CELF2: variants seen among roughly 807,000 people sequenced by gnomAD.
CELF2 encodes the protein CUG triplet repeat RNA-binding protein 2.
A neutral mutation model predicts 62.6 loss-of-function variants in CELF2; 8 were observed. The ratio of observed to expected loss-of-function variants is 0.13; its 90% CI spans 0.07 to 0.23. The LOEUF (loss-of-function observed/expected upper bound fraction) is 0.23. Ranked by LOEUF, CELF2 falls within the 10% of genes least tolerant of loss-of-function variation. CELF2 has a pLI of 1.00. For missense variants in CELF2, 333 were observed against 671.0 expected (o/e 0.50, Z 5.56); for synonymous variants, 258 against 250.0 (o/e 1.03, Z -0.30).
At chr10:10,588,555 G>C in the CELF2 span, among the ~76,000 whole-genome samples, 1 of 152,178 alleles carries the variant, frequency 6.6e-6, no homozygotes, top group East Asian at 1.9e-4. Context: ...GAGCAGCCAT[G>C]CTCAATATGG....
At chr10:10,731,821 A>G in the CELF2 span, among the ~76,000 whole-genome samples, 2 of 152,202 alleles carry the variant, frequency 1.3e-5, no homozygotes, top group African/African-American at 4.8e-5. Flanking sequence ...GAGAGGGTCC[A>G]TAGCAAACAG....
chr10:11,232,827 G>A (rs577804076), intron 3 of CELF2, among the ~76,000 whole-genome samples: 13 of 152,278 alleles, frequency 8.5e-5, no homozygotes, highest in South Asian at 4.1e-4. Flanking sequence ...CATATGTGGC[G>A]GGACTGTCAT....
intron 3 of CELF2, among the ~76,000 whole-genome samples, chr10:11,233,837 G>A (rs1376208542): frequency 2.0e-5 from 3 of 152,212 alleles, no homozygotes; most frequent in Non-Finnish European, 2.9e-5. Flanking sequence ...GCAAGGGTGA[G>A]GGGATTTGGG....
Position 11,302,508 on chromosome 10 carries a change from G to C in CELF2, c.977-11631G>C, listed in dbSNP as rs973400540. ...TGGCTGCAGTGCCCCCAAAGGACAG[G>C]ATTGGGCCCGCCTCCCCCAGACAAG... On this transcript the variant is annotated intron_variant, in intron 9 of 12. Transcript: ENST00000633077. This position sits in a 1 kb window ranked among gnomAD's most constrained non-coding sequence, Gnocchi z 5.0. Among the ~76,000 whole-genome samples the C allele has an allele frequency of 9.9e-5, 15 of 152,110 alleles. No individual in the cohort carries two copies. Among genetic ancestry groups the C allele is most frequent in the Non-Finnish European group, 1.6e-4 (11 of 68,006 alleles).
chr10:10,890,632 G>A (rs535469254), intron 1 of CELF2, among the ~76,000 whole-genome samples: 2 of 152,300 alleles, frequency 1.3e-5, no homozygotes, highest in South Asian at 4.2e-4. Context: ...TTTGCTGAGA[G>A]GTGAAGCTGG....
At chr10:11,132,531 G>A (rs2059774378) in intron 1 of CELF2, among the ~76,000 whole-genome samples, 1 of 152,210 alleles carries the variant, frequency 6.6e-6, no homozygotes, top group Non-Finnish European at 1.5e-5. Flanking sequence ...AAATCAGCCT[G>A]ATCGTGAATA....
chr10:10,537,040 C>CA, the CELF2 span, among the ~76,000 whole-genome samples: 1 of 152,148 alleles, frequency 6.6e-6, no homozygotes, highest in Non-Finnish European at 1.5e-5. Flanking sequence ...GCTGCTGCTT[C>CA]AACAAAATGC....
chr10:10,625,833 C>CA, the CELF2 span, among the ~76,000 whole-genome samples: 1 of 152,114 alleles, frequency 6.6e-6, no homozygotes, highest in Admixed American at 6.5e-5. Context: ...GTTTGGGCCT[C>CA]TATGCACCAG....
At chr10:11,320,342 AC>A (rs2095361168) in intron 10 of CELF2, among the ~76,000 whole-genome samples, 1 of 152,080 alleles carries the variant, frequency 6.6e-6, no homozygotes, top group Admixed American at 6.5e-5. Context: ...CCATAGACAC[AC>A]CTCTGTCTCC....
rs201075 is a variant in CELF2 at position 10,957,871 on chromosome 10, A to G, written c.89+37872A>G. 0.081 allele frequency among the ~76,000 whole-genome samples: 12,379 copies of G among 152,218 alleles called. 1,701 individuals carry two copies. The highest frequency in any genetic ancestry group is 0.28 in the African/African-American group (11,683 of 41,488). On this transcript the variant is annotated intron_variant, in intron 2 of 13. Transcript: ENST00000636488. The surrounding 1 kb of genome is among the most constrained non-coding windows in gnomAD (Gnocchi z 4.1). ...TCTCACCATCCCATGGTGAGATGAT[A>G]TGAAACTAAGCACTTGAATCACTTC...
At chr10:10,575,809 T>C in the CELF2 span, among the ~76,000 whole-genome samples, 1 of 152,214 alleles carries the variant, frequency 6.6e-6, no homozygotes, top group Admixed American at 6.5e-5. Flanking sequence ...GGAAATTTAC[T>C]ATTGGTTCAT....
the CELF2 span, among the ~76,000 whole-genome samples, chr10:10,560,258 G>A: frequency 1.3e-5 from 2 of 152,128 alleles, no homozygotes; most frequent in Admixed American, 6.6e-5. Context: ...GGAAATACAG[G>A]TAAGCATAGA....
At chr10:10,468,486 A>G in the CELF2 span, among the ~76,000 whole-genome samples, 14 of 151,986 alleles carry the variant, frequency 9.2e-5, no homozygotes, top group African/African-American at 3.4e-4. Context: ...TAAAAATTCT[A>G]TTGAAAGCAC....
At chr10:11,245,500 T>C (rs17149918) in intron 3 of CELF2, among the ~76,000 whole-genome samples, 1,693 of 152,344 alleles carry the variant, frequency 0.011, 39 homozygotes, top group African/African-American at 0.038. Context: ...GAATTCACCA[T>C]GGTCTGACAA....
intron 2 of CELF2, among the ~76,000 whole-genome samples, chr10:11,183,002 C>T (rs1036231409): frequency 9.9e-5 from 15 of 152,160 alleles, no homozygotes; most frequent in African/African-American, 2.4e-4. Flanking sequence ...GCAAACTTCA[C>T]GTACTTAAAG....
intron 1 of CELF2, among the ~76,000 whole-genome samples, chr10:11,031,814 T>C (rs185199012): frequency 6.6e-6 from 1 of 152,320 alleles, no homozygotes; most frequent in Non-Finnish European, 1.5e-5. Context: ...CCCAATACCA[T>C]GGCTCTCAAC....
intron 2 of CELF2, among the ~76,000 whole-genome samples, chr10:10,949,660 G>C (rs879375249): frequency 2.6e-5 from 4 of 151,610 alleles, no homozygotes; most frequent in African/African-American, 7.3e-5. Flanking sequence ...AATTAGCCAG[G>C]CTTGGTGGCA....
chr10:11,078,140 G>C (rs2072678281), intron 1 of CELF2, among the ~76,000 whole-genome samples: 1 of 151,610 alleles, frequency 6.6e-6, no homozygotes, highest in Non-Finnish European at 1.5e-5. Flanking sequence ...TAGTCTAATA[G>C]ATACAGATAC....
At chr10:11,082,359 A>C (rs1302566114) in intron 1 of CELF2, among the ~76,000 whole-genome samples, 1 of 152,182 alleles carries the variant, frequency 6.6e-6, no homozygotes, top group Non-Finnish European at 1.5e-5. Flanking sequence ...CCAGGTGCTG[A>C]TATCTATCTC....
Sources: allele counts gnomAD v4.1 joint callset (sites outside exome capture counted in the v4.1 genomes callset), GRCh38; gene constraint gnomAD v4.1.1; non-coding constraint Gnocchi (gnomAD v3.1); transcripts MANE v1.5; gene names NCBI Gene and HGNC (gene_info 2026-07-23, HGNC 2026-07-21).